The following ATXN7 variants were observed in gnomAD, a reference collection of about 807,000 sequenced individuals.
ATXN7 encodes the protein ataxin 7, also known as ataxin-7.
Under a neutral mutation model 70.5 loss-of-function variants are expected in ATXN7, and 12 were observed. The observed-to-expected ratio is 0.17, with a 90% CI of 0.11 to 0.28. The LOEUF (loss-of-function observed/expected upper bound fraction) is 0.28, where lower values mean the gene tolerates loss of function less well. Among genes scored for constraint, ATXN7 ranks in the 10% least tolerant of loss-of-function variants. The probability of loss-of-function intolerance (pLI) is 1.00; values close to 1 mark genes in which losing one functional copy is unlikely to be tolerated. For synonymous variants in ATXN7, 498 were observed against 448.7 expected (o/e 1.11, Z -1.39); for missense variants, 1,256 against 1,131.7 (o/e 1.11, Z -1.58).
intron 4 of ATXN7, among the ~76,000 whole-genome samples, chr3:63,926,663 A>T (rs1484788306): frequency 1.6e-4 from 25 of 151,706 alleles, no homozygotes; most frequent in Admixed American, 1.6e-3. Flanking sequence ...GCTTTTTCCC[A>T]CTCCTCAGTT....
At chr3:63,908,341 C>T (rs1235300074) in intron 2 of ATXN7, among the ~76,000 whole-genome samples, 2 of 152,176 alleles carry the variant, frequency 1.3e-5, no homozygotes, top group African/African-American at 4.8e-5. Flanking sequence ...GAATACAGCC[C>T]TGGCTCTCTC....
chr3:63,967,857 C>T (rs2075251992), intron 5 of ATXN7: 1 of 1,532,594 alleles, frequency 6.5e-7, no homozygotes, highest in East Asian at 2.5e-5. Context: ...AGACCCAAAT[C>T]ATGATGCAAG....
intron 4 of ATXN7, among the ~76,000 whole-genome samples, chr3:63,915,678 CTTTA>C (rs1040414996): frequency 4.7e-5 from 7 of 148,568 alleles, no homozygotes; most frequent in African/African-American, 1.8e-4. Flanking sequence ...AGAAATGACC[CTTTA>C]TTTATTTTTT....
At chr3:63,989,734 G>C (rs1008444561) in intron 9 of ATXN7, among the ~76,000 whole-genome samples, 3 of 152,148 alleles carry the variant, frequency 2.0e-5, no homozygotes, top group Middle Eastern at 3.2e-3. Flanking sequence ...TTGTGGATTT[G>C]CAGATTTTGC....
At chr3:63,868,329 T>C (rs1341427444) in intron 1 of ATXN7, among the ~76,000 whole-genome samples, 2 of 152,210 alleles carry the variant, frequency 1.3e-5, no homozygotes, top group African/African-American at 4.8e-5. Flanking sequence ...ACTCTTCAGT[T>C]ACTCATCTGG....
At chr3:63,913,066 C>T in intron 3 of ATXN7, 91 bp from the exon 4 acceptor site, 1 of 1,472,574 alleles carries the variant, frequency 6.8e-7, no homozygotes. Flanking sequence ...CGCGGAGGTG[C>T]CCACACCTAC....
intron 5 of ATXN7, among the ~76,000 whole-genome samples, chr3:63,953,890 C>T (rs868341256): frequency 2.0e-5 from 3 of 151,966 alleles, no homozygotes; most frequent in African/African-American, 4.8e-5. Context: ...TCAAGTGATC[C>T]GCCCACCTCT....
intron 4 of ATXN7, among the ~76,000 whole-genome samples, chr3:63,947,871 G>A (rs1371227691): frequency 6.6e-6 from 1 of 152,116 alleles, no homozygotes; most frequent in African/African-American, 2.4e-5. Flanking sequence ...GAGAAGGGAG[G>A]TCAGTGTGCC....
At chr3:63,946,362 A>T (rs1410165531) in intron 4 of ATXN7, among the ~76,000 whole-genome samples, 5 of 152,104 alleles carry the variant, frequency 3.3e-5, no homozygotes. Flanking sequence ...ATTGTGGGCC[A>T]GGCGCGGTGG....
chr3:63,879,142 A>G (rs1046626216), intron 1 of ATXN7, among the ~76,000 whole-genome samples: 1 of 152,062 alleles, frequency 6.6e-6, no homozygotes, highest in Non-Finnish European at 1.5e-5. Flanking sequence ...CCCAAAATAA[A>G]CCTTAAAGCA....
chr3:63,981,546 A>G (rs940921272), intron 6 of ATXN7, among the ~76,000 whole-genome samples: 1 of 152,226 alleles, frequency 6.6e-6, no homozygotes, highest in Non-Finnish European at 1.5e-5. Flanking sequence ...TCCAAGATTC[A>G]TATCTTTGTT....
chr3:63,864,216 C>T (rs1702330890), intron 1 of ATXN7, among the ~76,000 whole-genome samples, 58 bp downstream of exon 1: 1 of 150,170 alleles, frequency 6.7e-6, no homozygotes, highest in South Asian at 2.1e-4. Flanking sequence ...TGCGGGCCGC[C>T]CGCAGTCGGG....
chr3:63,983,663 T>C (rs1447162769), intron 8 of ATXN7, among the ~76,000 whole-genome samples: 1 of 152,132 alleles, frequency 6.6e-6, no homozygotes, highest in Non-Finnish European at 1.5e-5. Flanking sequence ...ATATACAAGC[T>C]AAGAAAATGT....
At chr3:63,924,146 T>C (rs1400149224) in intron 4 of ATXN7, among the ~76,000 whole-genome samples, 1 of 151,776 alleles carries the variant, frequency 6.6e-6, no homozygotes, top group African/African-American at 2.4e-5. Flanking sequence ...TGATGAAAAA[T>C]TGGATGTGGA....
In ATXN7 at chr3:63,998,057, C is replaced by T. The variant is rs1412330739; in HGVS notation, c.2662-1393C>T. 8.1e-6 allele frequency: 8 copies of T among 985,242 alleles called. No homozygotes were observed. In the African/African-American group the frequency reaches 1.4e-4, roughly 17 times the overall value. 61.0% of individuals were successfully genotyped at this position (985,242 alleles called of 1,614,324 possible). ...ATGGTGTGCCGATTCTTCAACGCAC[C>T]GTCTTTGAGAGAGACATGATCCCCA... On this transcript the variant is annotated intron_variant, in intron 12 of 12. Transcript: ENST00000674280.
chr3:63,980,231 G>C (rs2075462969), intron 6 of ATXN7, 64 bp downstream of exon 6: 8 of 1,583,650 alleles, frequency 5.1e-6, no homozygotes, highest in Non-Finnish European at 6.9e-6. Flanking sequence ...TACACTAGTG[G>C]CATGTGAGAG....
chr3:63,888,992 A>G (rs1173012900), intron 1 of ATXN7, among the ~76,000 whole-genome samples: 1 of 152,206 alleles, frequency 6.6e-6, no homozygotes, highest in Non-Finnish European at 1.5e-5. Context: ...AGAATATGAT[A>G]AAATTTTTAA....
chr3:63,944,998 G>T (rs2074835678), intron 4 of ATXN7, among the ~76,000 whole-genome samples: 1 of 152,152 alleles, frequency 6.6e-6, no homozygotes, highest in South Asian at 2.1e-4. Context: ...CACCATGTTG[G>T]CCAGGGTGGT....
chr3:63,972,820 G>C (rs1273422389), intron 5 of ATXN7, among the ~76,000 whole-genome samples: 1 of 152,198 alleles, frequency 6.6e-6, no homozygotes, highest in African/African-American at 2.4e-5. Flanking sequence ...TCACACTGGA[G>C]AAGATAACTT....
Sources: allele counts gnomAD v4.1 joint callset (sites outside exome capture counted in the v4.1 genomes callset), GRCh38; gene constraint gnomAD v4.1.1; transcripts MANE v1.5; gene names NCBI Gene and HGNC (gene_info 2026-07-23, HGNC 2026-07-21).